Variants in PTPRD observed in about 807,000 individuals in gnomAD.
PTPRD encodes receptor-type tyrosine-protein phosphatase delta.
PTPRD carries 34 observed loss-of-function variants against 214.5 expected under a neutral mutation model. The ratio of observed to expected loss-of-function variants is 0.16; its 90% CI spans 0.12 to 0.21. The LOEUF is 0.21. Among genes scored for constraint, PTPRD ranks in the 10% least tolerant of loss-of-function variants. The probability of loss-of-function intolerance (pLI) is 1.00; values close to 1 mark genes in which losing one functional copy is unlikely to be tolerated. For synonymous variants in PTPRD, 1,128 were observed against 845.7 expected (o/e 1.33, Z -5.79); for missense variants, 2,545 against 2,398.7 (o/e 1.06, Z -1.27).
intron 11 of PTPRD, among the ~76,000 whole-genome samples, chr9:8,929,514 C>T (rs1036405348): frequency 8.6e-5 from 13 of 151,744 alleles, no homozygotes; most frequent in African/African-American, 3.1e-4. Context: ...TATGTTGAAC[C>T]TGCCTTGCAT....
chr9:10,072,565 T>A (rs2098045684), intron 3 of PTPRD, among the ~76,000 whole-genome samples: 1 of 152,064 alleles, frequency 6.6e-6, no homozygotes, highest in African/African-American at 2.4e-5. Context: ...GTGGCCAGCT[T>A]TTATTACCTT....
At chr9:10,497,782 T>C (rs931274777) in intron 2 of PTPRD, among the ~76,000 whole-genome samples, 2 of 152,006 alleles carry the variant, frequency 1.3e-5, no homozygotes, top group African/African-American at 4.8e-5. Context: ...AGATTTGCTA[T>C]TATGTTTATC....
chr9:9,915,691 AAAAT>A (rs1407309593), intron 5 of PTPRD, among the ~76,000 whole-genome samples: 1 of 151,936 alleles, frequency 6.6e-6, no homozygotes, highest in Non-Finnish European at 1.5e-5. Flanking sequence ...CCAGGAAAAA[AAAAT>A]AAATAAAAAA....
intron 10 of PTPRD, among the ~76,000 whole-genome samples, chr9:9,087,666 G>C (rs573924832): frequency 6.6e-6 from 1 of 152,100 alleles, no homozygotes; most frequent in Non-Finnish European, 1.5e-5. Flanking sequence ...ACATGGGGAA[G>C]TGAATATCCC....
chr9:10,560,387 A>G (rs1042017900), intron 2 of PTPRD, among the ~76,000 whole-genome samples: 2 of 151,302 alleles, frequency 1.3e-5, no homozygotes, highest in Non-Finnish European at 2.9e-5. Context: ...GAAGGGGAAC[A>G]TCACACTCTG....
At chr9:9,775,133 ATC>A (rs1484347638) in intron 5 of PTPRD, among the ~76,000 whole-genome samples, 1 of 152,206 alleles carries the variant, frequency 6.6e-6, no homozygotes, top group Non-Finnish European at 1.5e-5. Flanking sequence ...GCATTTACGT[ATC>A]TGTCACCCCA....
intron 7 of PTPRD, among the ~76,000 whole-genome samples, chr9:9,604,060 A>C (rs10977869): frequency 0.36 from 54,682 of 151,868 alleles, 10,401 homozygotes; most frequent in Middle Eastern, 0.47. Flanking sequence ...TAGTTTGATT[A>C]ATATAATTTT....
At chr9:10,417,690 A>C (rs2098505488) in intron 2 of PTPRD, among the ~76,000 whole-genome samples, 1 of 151,810 alleles carries the variant, frequency 6.6e-6, no homozygotes, top group African/African-American at 2.4e-5. Flanking sequence ...CAAAAAATTA[A>C]AATTAAAATT....
chr9:10,329,252 T>G (rs2096705350), intron 3 of PTPRD, among the ~76,000 whole-genome samples: 1 of 151,834 alleles, frequency 6.6e-6, no homozygotes. Context: ...ACTGGTTGCT[T>G]TTTGTTTGCC....
At chr9:9,073,840 TC>T (rs5896300) in intron 10 of PTPRD, among the ~76,000 whole-genome samples, 106,977 of 151,970 alleles carry the variant, frequency 0.7, 38,055 homozygotes, top group Non-Finnish European at 0.76. Context: ...TTCTCCAAAA[TC>T]CATTAAAAAT....
At chr9:9,733,440 T>A (rs1019057053) in intron 7 of PTPRD, among the ~76,000 whole-genome samples, 3 of 152,208 alleles carry the variant, frequency 2.0e-5, no homozygotes, top group Non-Finnish European at 4.4e-5. Flanking sequence ...TTGTTCAACA[T>A]GACAGTTTAC....
At chr9:9,969,327 CATT>C (rs60863575) in intron 4 of PTPRD, among the ~76,000 whole-genome samples, 6,754 of 152,142 alleles carry the variant, frequency 0.044, 498 homozygotes, top group African/African-American at 0.15. Context: ...CTTGTGGCCT[CATT>C]AAACTCTCTC....
intron 5 of PTPRD, among the ~76,000 whole-genome samples, chr9:9,773,958 A>G (rs1213776580): frequency 6.6e-6 from 1 of 152,238 alleles, no homozygotes; most frequent in African/African-American, 2.4e-5. Flanking sequence ...CTGTACAGGC[A>G]ATGTCAATGT....
intron 4 of PTPRD, among the ~76,000 whole-genome samples, chr9:10,011,694 T>C (rs2096603485): frequency 1.3e-5 from 2 of 152,020 alleles, no homozygotes. Context: ...ACTCTGGACA[T>C]TTGTGGATTT....
chr9:9,027,657 G>A (rs902772480), intron 10 of PTPRD, among the ~76,000 whole-genome samples: 1 of 151,888 alleles, frequency 6.6e-6, no homozygotes, highest in African/African-American at 2.4e-5. Flanking sequence ...GAGTACATTT[G>A]AAAAGTCCTA....
chr9:9,481,683 G>A (rs957632325), intron 8 of PTPRD, among the ~76,000 whole-genome samples: 9 of 151,748 alleles, frequency 5.9e-5, no homozygotes, highest in African/African-American at 1.5e-4. Context: ...CCATGAAGGC[G>A]AAAATGCCTA....
intron 10 of PTPRD, among the ~76,000 whole-genome samples, chr9:9,074,854 G>C (rs1281399686): frequency 1.3e-5 from 2 of 151,098 alleles, no homozygotes; most frequent in African/African-American, 4.8e-5. Flanking sequence ...AACAAATTTA[G>C]GTTTCATTCT....
At chr9:9,317,802 T>C (rs1371744670) in intron 9 of PTPRD, among the ~76,000 whole-genome samples, 1 of 152,172 alleles carries the variant, frequency 6.6e-6, no homozygotes, top group Non-Finnish European at 1.5e-5. Flanking sequence ...ATGATATTAA[T>C]AATTTTTTTC....
At chr9:8,334,515 G>C (rs1011750726) in intron 43 of PTPRD, among the ~76,000 whole-genome samples, 1 of 140,300 alleles carries the variant, frequency 7.1e-6, no homozygotes, top group Non-Finnish European at 1.5e-5. Context: ...CAATGTACCA[G>C]AATCTCTGGG....
Sources: gnomAD v4.1 joint callset for allele counts (sites outside exome capture counted in the v4.1 genomes callset) on GRCh38, gnomAD v4.1.1 for gene constraint, MANE v1.5 for transcripts, NCBI Gene and HGNC (gene_info 2026-07-23, HGNC 2026-07-21) for gene names.